The following MARCHF1 variants were observed in gnomAD, a reference collection of about 807,000 sequenced individuals.
MARCHF1 encodes the protein E3 ubiquitin-protein ligase MARCHF1.
Under a neutral mutation model 54.2 loss-of-function variants are expected in MARCHF1, and 40 were observed. That is an observed-to-expected ratio of 0.74 (90% confidence interval 0.57 to 0.96). MARCHF1 has a LOEUF of 0.96. Ranked by LOEUF, MARCHF1 falls within the 40% of genes least tolerant of loss-of-function variation. The pLI, the probability that MARCHF1 is intolerant of heterozygous loss-of-function variation, is 0.00. For synonymous variants in MARCHF1, 236 were observed against 236.3 expected, an observed-to-expected ratio of 1.00 and a Z score of 0.01; for missense variants, 586 against 656.5, an observed-to-expected ratio of 0.89 and a Z score of 1.17.
chr4:164,209,354 G>A (rs2111112678), intron 1 of MARCHF1, among the ~76,000 whole-genome samples: 1 of 152,242 alleles, frequency 6.6e-6, no homozygotes, highest in South Asian at 2.1e-4. Context: ...AACTTTGGGA[G>A]GAGCATGAGC....
chr4:163,533,968 G>T (rs949441689), intron 9 of MARCHF1, among the ~76,000 whole-genome samples: 1 of 151,300 alleles, frequency 6.6e-6, no homozygotes, highest in Non-Finnish European at 1.5e-5. Context: ...TTATTTTATC[G>T]TCATCCTCAG....
chr4:164,231,354 CAATTT>C (rs1330584299), intron 1 of MARCHF1, among the ~76,000 whole-genome samples: 1 of 151,788 alleles, frequency 6.6e-6, no homozygotes, highest in Non-Finnish European at 1.5e-5. Flanking sequence ...GAGAAATGGC[CAATTT>C]ATTTTTTTAT....
chr4:163,744,308 G>T (rs1746294961), intron 4 of MARCHF1, among the ~76,000 whole-genome samples: 1 of 152,114 alleles, frequency 6.6e-6, no homozygotes, highest in Admixed American at 6.5e-5. Flanking sequence ...TATTTTAGGT[G>T]CAGAGTTGTA....
At chr4:163,876,543 G>A (rs1040415749) in intron 3 of MARCHF1, among the ~76,000 whole-genome samples, 10 of 152,030 alleles carry the variant, frequency 6.6e-5, no homozygotes, top group African/African-American at 2.4e-4. Context: ...AATGTGACAT[G>A]CCACTAAATT....
At chr4:163,611,650 G>T (rs951599067) in intron 7 of MARCHF1, among the ~76,000 whole-genome samples, 3 of 152,034 alleles carry the variant, frequency 2.0e-5, no homozygotes, top group Admixed American at 6.6e-5. Flanking sequence ...CAAGAACGCT[G>T]CCACATAGCT....
At chr4:164,224,027 C>T (rs1187009118) in intron 1 of MARCHF1, among the ~76,000 whole-genome samples, 3 of 150,002 alleles carry the variant, frequency 2.0e-5, no homozygotes, top group African/African-American at 7.4e-5. Flanking sequence ...ACATTTCTAG[C>T]ATTCTCTTTT....
rs573207239 is a variant in MARCHF1, at chr4:164,322,610, G to T, written c.-323+61260C>A. On this transcript the variant is annotated intron_variant, in intron 1 of 9. Transcript: ENST00000514618. ...TAACTCAAAGGATAAATGCTTGAAG[G>T]GATGGATACTCCATTCTTCATGATG... is the stretch of plus-strand genomic sequence containing the variant. Among the ~76,000 whole-genome samples the T allele has an allele frequency of 5.9e-5, 9 of 152,030 alleles. No homozygotes were observed. In the South Asian group the frequency reaches 1.9e-3, roughly 32 times the overall value.
intron 1 of MARCHF1, among the ~76,000 whole-genome samples, chr4:164,123,839 G>T (rs186468324): frequency 6.6e-6 from 1 of 152,108 alleles, no homozygotes; most frequent in Non-Finnish European, 1.5e-5. Context: ...ACATTGATCT[G>T]GGCAGAGATT....
chr4:164,315,096 C>A (rs1346577535), intron 1 of MARCHF1, among the ~76,000 whole-genome samples: 1 of 152,024 alleles, frequency 6.6e-6, no homozygotes, highest in Non-Finnish European at 1.5e-5. Context: ...GATGACCAAG[C>A]TACATTTTAT....
intron 4 of MARCHF1, among the ~76,000 whole-genome samples, chr4:163,848,482 A>G (rs753795351): frequency 1.6e-4 from 25 of 152,102 alleles, no homozygotes; most frequent in South Asian, 2.1e-4. Context: ...TTTGACTTCC[A>G]TGGATTTTTC....
At chr4:164,191,956 G>A (rs916073462) in intron 1 of MARCHF1, among the ~76,000 whole-genome samples, 10 of 151,956 alleles carry the variant, frequency 6.6e-5, no homozygotes, top group African/African-American at 2.4e-4. Context: ...TTTATCTGGG[G>A]AAACTAGTAC....
At chr4:163,821,181 C>T (rs1206971681) in intron 4 of MARCHF1, among the ~76,000 whole-genome samples, 1 of 151,904 alleles carries the variant, frequency 6.6e-6, no homozygotes, top group African/African-American at 2.4e-5. Context: ...GCATGCTTCC[C>T]TCCCTCCATT....
intron 7 of MARCHF1, among the ~76,000 whole-genome samples, chr4:163,602,041 A>G (rs1740989831): frequency 6.6e-6 from 1 of 152,056 alleles, no homozygotes; most frequent in African/African-American, 2.4e-5. Context: ...CATATCTTTA[A>G]AATATATAAA....
At chr4:164,335,677 C>A (rs898509505) in intron 1 of MARCHF1, among the ~76,000 whole-genome samples, 3 of 141,610 alleles carry the variant, frequency 2.1e-5, no homozygotes, top group African/African-American at 7.7e-5. Context: ...CGAAGCAGGA[C>A]CCTCCAGCCA....
intron 8 of MARCHF1, among the ~76,000 whole-genome samples, chr4:163,575,785 T>G (rs1353828311): frequency 6.6e-6 from 1 of 152,042 alleles, no homozygotes; most frequent in African/African-American, 2.4e-5. Context: ...AGATTGCATG[T>G]TTCCAGAAAT....
intron 8 of MARCHF1, among the ~76,000 whole-genome samples, chr4:163,547,089 A>G (rs1738937119): frequency 6.6e-6 from 1 of 152,162 alleles, no homozygotes; most frequent in South Asian, 2.1e-4. Context: ...CCACCTGACC[A>G]TCCCACATGT....
At chr4:164,220,551 TATATGATATATATCTATATATGTAATAC>T in intron 1 of MARCHF1, among the ~76,000 whole-genome samples, 2 of 145,732 alleles carry the variant, frequency 1.4e-5, no homozygotes, top group African/African-American at 5.0e-5. Flanking sequence ...ATATGTACTA[TATATGATATATATCTATATATGTAATAC>T]ATATGATATA....
chr4:163,985,831 T>C (rs1376947283), intron 3 of MARCHF1, among the ~76,000 whole-genome samples: 2 of 152,162 alleles, frequency 1.3e-5, no homozygotes, highest in Non-Finnish European at 2.9e-5. Flanking sequence ...GCAAGAACAT[T>C]AAGGAAACTT....
At chr4:163,930,723 T>C (rs528663874) in intron 3 of MARCHF1, among the ~76,000 whole-genome samples, 2 of 152,142 alleles carry the variant, frequency 1.3e-5, no homozygotes, top group Non-Finnish European at 2.9e-5. Context: ...AAGAGCGCTG[T>C]GACTCATCCT....
Sources: gnomAD v4.1 joint callset for allele counts (sites outside exome capture counted in the v4.1 genomes callset) on GRCh38, gnomAD v4.1.1 for gene constraint, MANE v1.5 for transcripts, NCBI Gene and HGNC (gene_info 2026-07-23, HGNC 2026-07-21) for gene names.